The following DAB1 variants were observed in gnomAD, a reference collection of about 807,000 sequenced individuals.
DAB1 encodes disabled homolog 1.
Under a neutral mutation model 64.6 loss-of-function variants are expected in DAB1, and 15 were observed. The ratio of observed to expected loss-of-function variants is 0.23; its 90% confidence interval spans 0.16 to 0.36. The LOEUF (loss-of-function observed/expected upper bound fraction) is 0.36, where lower values mean the gene tolerates loss of function less well. DAB1 is among the 10% of genes least tolerant of loss of function. The pLI is 1.00. For synonymous variants in DAB1, 235 were observed against 251.9 expected (o/e 0.93, Z 0.64); for missense variants, 596 against 706.7 (o/e 0.84, Z 1.78).
At chr1:57,332,982 C>T (rs1231475166) in intron 1 of DAB1, among the ~76,000 whole-genome samples, 1 of 152,164 alleles carries the variant, frequency 6.6e-6, no homozygotes, top group East Asian at 1.9e-4. Context: ...AAACTCTCTT[C>T]GCTTTGCTCT....
At chr1:58,127,838 TAC>T (rs1653234810) in intron 5 of DAB1, among the ~76,000 whole-genome samples, 1 of 152,114 alleles carries the variant, frequency 6.6e-6, no homozygotes, top group Non-Finnish European at 1.5e-5. Context: ...TTGGTACCAG[TAC>T]CATGCTGTTT....
chr1:57,728,026 G>A (rs1275636492), intron 6 of DAB1, among the ~76,000 whole-genome samples: 1 of 152,116 alleles, frequency 6.6e-6, no homozygotes, highest in Admixed American at 6.6e-5. Context: ...TGTTCAGCAG[G>A]AGCATTTCTA....
At chr1:57,659,704 G>A (rs1646362577) in intron 6 of DAB1, among the ~76,000 whole-genome samples, 1 of 152,088 alleles carries the variant, frequency 6.6e-6, no homozygotes, top group South Asian at 2.1e-4. Context: ...GGCTGGGTGT[G>A]GTGGCTCACA....
chr1:58,151,032 T>C (rs931287120), intron 4 of DAB1, among the ~76,000 whole-genome samples: 7 of 152,220 alleles, frequency 4.6e-5, no homozygotes, highest in African/African-American at 1.2e-4. Flanking sequence ...CCATCATTTT[T>C]TATGGCTGCA....
At chr1:57,421,466 C>T (rs942482986) in intron 1 of DAB1, among the ~76,000 whole-genome samples, 1 of 152,126 alleles carries the variant, frequency 6.6e-6, no homozygotes. Context: ...ATTGCCAACT[C>T]GATGTGTAGA....
intron 3 of DAB1, among the ~76,000 whole-genome samples, chr1:58,454,615 G>C (rs1645172725): frequency 6.6e-6 from 1 of 152,154 alleles, no homozygotes; most frequent in Non-Finnish European, 1.5e-5. Context: ...ACACCTCCTT[G>C]CTTTCTAAGT....
At chr1:58,372,004 G>T (rs1276947703) in intron 3 of DAB1, among the ~76,000 whole-genome samples, 1 of 152,228 alleles carries the variant, frequency 6.6e-6, no homozygotes, top group Admixed American at 6.5e-5. Flanking sequence ...CAGAAATGTG[G>T]GGTTGGAGCC....
At chr1:57,847,929 A>G (rs1653359724) in intron 1 of DAB1, among the ~76,000 whole-genome samples, 2 of 152,168 alleles carry the variant, frequency 1.3e-5, no homozygotes, top group African/African-American at 2.4e-5. Flanking sequence ...AATGTTGGAG[A>G]AAGGCTATTA....
chr1:58,367,652 G>A (rs963085147), intron 3 of DAB1, among the ~76,000 whole-genome samples: 1 of 152,118 alleles, frequency 6.6e-6, no homozygotes, highest in African/African-American at 2.4e-5. Flanking sequence ...GTTATTCCAG[G>A]CATGGGTTTG....
rs201473219 is a variant in DAB1 at position 58,544,610 on chromosome 1, G to A, written n.32+2093C>T. 1.8e-4 allele frequency among the ~76,000 whole-genome samples: 28 copies of A among 151,946 alleles called. No homozygotes were observed. In the East Asian group the frequency reaches 5.2e-3, roughly 28 times the overall value. ...TTCCCATTGTTTTTCTTTTCTTTTC[G>A]AGACAGGGTCTCACTTTGTCGTTGT... is the stretch of plus-strand genomic sequence containing the variant. On this transcript the variant is annotated intron_variant and non_coding_transcript_variant, in intron 1 of 20. Coordinates refer to the DAB1 transcript ENST00000485760.
intron 14 of DAB1, among the ~76,000 whole-genome samples, chr1:57,007,100 TTCCCTTGAACACTAGAAA>T (rs1293021450): frequency 2.0e-5 from 3 of 152,188 alleles, no homozygotes; most frequent in Non-Finnish European, 4.4e-5. Flanking sequence ...CAGCTTTCTT[TTCCCTTGAACACTAGAAA>T]TCCATCAGGT....
At chr1:58,358,534 C>T (rs1252603883) in intron 3 of DAB1, among the ~76,000 whole-genome samples, 5 of 152,092 alleles carry the variant, frequency 3.3e-5, no homozygotes, top group South Asian at 2.1e-4. Flanking sequence ...AATCCGGTCC[C>T]CCTCTAGCCC....
chr1:57,622,368 C>T (rs953050436), intron 7 of DAB1, among the ~76,000 whole-genome samples: 4 of 152,138 alleles, frequency 2.6e-5, no homozygotes, highest in African/African-American at 9.7e-5. Context: ...CAGAGCTGGA[C>T]ATAGATATGG....
intron 3 of DAB1, among the ~76,000 whole-genome samples, chr1:58,371,951 G>A (rs1644267527): frequency 6.6e-6 from 1 of 152,218 alleles, no homozygotes; most frequent in South Asian, 2.1e-4. Context: ...TCTGCTGCAG[G>A]GGCAGAGCCC....
At chr1:57,410,349 T>C (rs926065013) in intron 1 of DAB1, among the ~76,000 whole-genome samples, 1 of 152,312 alleles carries the variant, frequency 6.6e-6, no homozygotes, top group Admixed American at 6.5e-5. Context: ...AAGCCAAGTA[T>C]AAAGGGCATG....
intron 2 of DAB1, among the ~76,000 whole-genome samples, chr1:57,275,800 A>G (rs1558072233): frequency 6.6e-6 from 1 of 152,202 alleles, no homozygotes; most frequent in Non-Finnish European, 1.5e-5. Flanking sequence ...TCACTACAGG[A>G]GAACAAATTA....
chr1:57,206,578 T>C (rs1328744925), intron 2 of DAB1, among the ~76,000 whole-genome samples: 1 of 152,216 alleles, frequency 6.6e-6, no homozygotes, highest in Non-Finnish European at 1.5e-5. Context: ...TTGGTGCCAT[T>C]TACCCCAGTT....
At chr1:57,045,470 G>A (rs1425535428) in intron 9 of DAB1, among the ~76,000 whole-genome samples, 1 of 152,188 alleles carries the variant, frequency 6.6e-6, no homozygotes, top group Admixed American at 6.5e-5. Flanking sequence ...GGCCAAGGCA[G>A]GCGGATCACT....
chr1:57,622,230 T>C (rs1043118881), intron 7 of DAB1, among the ~76,000 whole-genome samples: 2 of 152,130 alleles, frequency 1.3e-5, no homozygotes, highest in African/African-American at 4.8e-5. Flanking sequence ...GAGGAGAGAC[T>C]CTTACTTCGG....
Sources: gnomAD v4.1 joint callset for allele counts (sites outside exome capture counted in the v4.1 genomes callset) on GRCh38, gnomAD v4.1.1 for gene constraint, MANE v1.5 for transcripts, NCBI Gene and HGNC (gene_info 2026-07-23, HGNC 2026-07-21) for gene names.